The following RASGRP4 variants were observed in gnomAD, a reference collection of about 807,000 sequenced individuals.
RASGRP4 encodes the protein RAS guanyl-releasing protein 4.
A neutral mutation model predicts 84.4 loss-of-function variants in RASGRP4; 52 were observed. That is an observed-to-expected ratio of 0.62 (90% confidence interval 0.49 to 0.78). The LOEUF (loss-of-function observed/expected upper bound fraction) is 0.78. Ranked by LOEUF, RASGRP4 falls within the 30% of genes least tolerant of loss-of-function variation. RASGRP4 has a pLI of 0.00. For synonymous variants in RASGRP4, 356 were observed against 359.1 expected (o/e 0.99, Z 0.10); for missense variants, 760 against 886.9 (o/e 0.86, Z 1.82).
rs189420112 is a variant in RASGRP4 at position 38,411,526 on chromosome 19, G to C, written c.1681-145C>G. The C allele has an allele frequency of 1.2e-3, 989 of 838,120 alleles. 13 individuals are homozygous for C. In the African/African-American group the frequency reaches 0.015, roughly 13 times the overall value. The allele number at this position is 838,120 out of a possible 1,614,324, so 51.9% of individuals were successfully genotyped here. A position where few individuals can be genotyped will look rare whatever the true frequency, so the allele number is the denominator to read the frequency against. ...GATTTAACTGGAATTAAAGGAATGT[G>C]GGTGGGGTACAGTGGCTCATGCCAG... On this transcript the variant is annotated intron_variant, in intron 13 of 16. Transcript: ENST00000615439.
rs981904464 is a variant in RASGRP4 at position 38,413,884 on chromosome 19, G to A, written c.1231-410C>T. 3.3e-5 allele frequency among the ~76,000 whole-genome samples: 5 copies of A among 152,094 alleles called. No homozygotes were observed. Among genetic ancestry groups the A allele is most frequent in the African/African-American group, 1.2e-4 (5 of 41,398 alleles). The stretch of plus-strand genomic sequence containing the variant: ...ATACTTGAGTCATTGGAGGAAGTGG[G>A]GAAAAAACATGTTACTTAAATAGAA... On this transcript the variant is annotated intron_variant, in intron 9 of 16. Coordinates refer to ENST00000615439, the MANE Select transcript of RASGRP4 (RefSeq NM_170604.3). The surrounding 1 kb of genome is among the most constrained non-coding windows in gnomAD (Gnocchi z 4.7).
At position 38,413,592 on chromosome 19, in the gene RASGRP4, G is replaced by A; in HGVS notation, c.1231-118C>T. The A allele has an allele frequency of 2.5e-6, 2 of 804,308 alleles. No homozygotes were observed. Among genetic ancestry groups the A allele is most frequent in the Non-Finnish European group, 4.1e-6 (2 of 489,272 alleles). The allele number at this position is 804,308 out of a possible 1,614,324, so 49.8% of individuals were successfully genotyped here. A position where few individuals can be genotyped will look rare whatever the true frequency, so the allele number is the denominator to read the frequency against. On this transcript the variant is annotated intron_variant, in intron 9 of 16. Transcript: ENST00000615439. This position sits in a 1 kb window ranked among gnomAD's most constrained non-coding sequence, Gnocchi z 4.7. ...GGGTTCAAATCCTGGCATTACTGCT[G>A]TGGGACAGTGGGCAAGGGACCTCAC...
chr19:38,416,071 T>C (rs1377224427), intron 8 of RASGRP4, among the ~76,000 whole-genome samples: 1 of 147,248 alleles, frequency 6.8e-6, no homozygotes, highest in East Asian at 2.1e-4. Flanking sequence ...AAAACAACAA[T>C]GAAAAGGCTG....
At chr19:38,421,237 C>T (rs1402856961) in intron 2 of RASGRP4, 37 bp from the exon 3 acceptor site, 9 of 1,447,620 alleles carry the variant, frequency 6.2e-6, no homozygotes, top group Non-Finnish European at 8.7e-6. Context: ...GACAGAATGG[C>T]CCTCAAGCAA....
Position 38,415,047 on chromosome 19 carries a change from G to A in RASGRP4, c.1031C>T (p.Ala344Val), listed in dbSNP as rs74780073. 3.4e-5 allele frequency: 54 copies of A among 1,606,334 alleles called. No homozygotes were observed. The highest frequency in any genetic ancestry group is 3.4e-4 in the Middle Eastern group (2 of 5,802). ...GCCCAGTACAGGCAGCCGGAAACCC[G>A]CGCAGCCAGCCCAGGTGCGGCGGTA... ...ARYRRTWAGCAGFRLPVLGVH... is the reference protein window; with the variant it reads ...ARYRRTWAGCVGFRLPVLGVH... Residue 344 changes from alanine to valine, a missense_variant, in exon 9 of 17, where the codon GCG becomes GTG. Transcript: ENST00000615439.
At position 38,417,032 on chromosome 19, in the gene RASGRP4, G is replaced by T. The variant is rs1302553499; in HGVS notation, c.954+20C>A. On this transcript the variant is annotated intron_variant, in intron 8 of 16. Coordinates refer to ENST00000615439, the MANE Select transcript of RASGRP4 (RefSeq NM_170604.3). The surrounding 1 kb of genome is among the most constrained non-coding windows in gnomAD (Gnocchi z 5.1). ...AGACAGCTGACCACTTGGAGCTTTG[G>T]GGAGGGTAGTGGGATTCACCTTGGT... 2.1e-6 allele frequency: 3 copies of T among 1,408,798 alleles called. No individual in the cohort carries two copies. The East Asian group carries it at 7.4e-5, about 35-fold the overall frequency. 87.3% of individuals were successfully genotyped at this position (1,408,798 alleles called of 1,614,324 possible).
chr19:38,409,227 T>C lies in RASGRP4; in HGVS notation c.*813A>G, dbSNP rs116403677. ...TTTGCCCTATAGCACATCTATCCTG[T>C]GCCGTGGGCATGGGTAAGGAGACAT... On this transcript the variant is annotated 3_prime_UTR_variant, in exon 17 of 17. Coordinates refer to ENST00000615439, the MANE Select transcript of RASGRP4 (RefSeq NM_170604.3). 0.021 allele frequency: 3,995 copies of C among 185,896 alleles called. 182 individuals carry two copies. Among genetic ancestry groups the C allele is most frequent in the African/African-American group, 0.089 (3,742 of 42,186 alleles). 11.5% of individuals were successfully genotyped at this position (185,896 alleles called of 1,614,324 possible).
At position 38,412,628 on chromosome 19, in the gene RASGRP4, A is replaced by C. The variant is rs778696096; in HGVS notation, c.1680+44T>G. 4 of 1,586,980 alleles carry C rather than the reference A, an allele frequency of 2.5e-6. No homozygotes were observed. Among genetic ancestry groups the C allele is most frequent in the Admixed American group, 3.6e-5 (2 of 56,250 alleles). On this transcript the variant is annotated intron_variant, in intron 13 of 16. Transcript: ENST00000615439. This position sits in a 1 kb window ranked among gnomAD's most constrained non-coding sequence, Gnocchi z 4.6. The stretch of plus-strand genomic sequence containing the variant: ...CTGGGGTTTGCGGACTGCCGGCTTC[A>C]GGACAGATGGAACCTAAGGGTGGTG...
chr19:38,411,241 G>A lies in RASGRP4; in HGVS notation c.1726C>T (p.Leu576=). 10 of 1,613,976 alleles carry A rather than the reference G, an allele frequency of 6.2e-6. No individual in the cohort carries two copies. Among genetic ancestry groups the A allele is most frequent in the Non-Finnish European group, 8.5e-6 (10 of 1,179,878 alleles). ...KQGYRCRECG[L]CCHKHCRDQV... ...TCTCTGCAGTGTTTGTGGCAACACAGCCCGCACTCTGGGGGAAGGCAGCGG... is the reference window on the plus strand; with the variant it reads ...TCTCTGCAGTGTTTGTGGCAACACAACCCGCACTCTGGGGGAAGGCAGCGG... Residue 576 remains leucine, a synonymous_variant, in exon 15 of 17, where the codon CTG becomes TTG. Coordinates refer to ENST00000615439, the MANE Select transcript of RASGRP4 (RefSeq NM_170604.3).
At chr19:38,410,201 G>C (rs896507335) in intron 16 of RASGRP4, 105 bp from the exon 17 acceptor site, 1 of 812,556 alleles carries the variant, frequency 1.2e-6, no homozygotes. Context: ...AGACTGGTAA[G>C]TGGATGAATG....
At chr19:38,422,235 A>G (rs1017222429) in intron 1 of RASGRP4, 82 bp from the exon 2 acceptor site, 87 of 1,327,812 alleles carry the variant, frequency 6.6e-5, no homozygotes, top group Middle Eastern at 3.7e-4. Context: ...TAATGCCCCA[A>G]GGCACCACGG....
Position 38,410,065 on chromosome 19 carries a change from G to A in RASGRP4, c.1997C>T (p.Thr666Ile). 7 of 1,612,444 alleles carry A rather than the reference G, an allele frequency of 4.3e-6. No homozygotes were observed. The highest frequency in any genetic ancestry group is 5.9e-6 in the Non-Finnish European group (7 of 1,179,156). The change falls in exon 17 of 17, where the codon ACT becomes ATT. Residue 666 changes from threonine (T) to isoleucine (I), a missense_variant. Coordinates refer to ENST00000615439, the MANE Select transcript of RASGRP4 (RefSeq NM_170604.3). ...CTAGGAATCCAGCTTGGAGGATGCA[G>A]TTGATGGTGGGTCCATCACCGGGCA... ...VPCPVMDPPSTASSKLDS is the reference protein window; with the variant it reads ...VPCPVMDPPSIASSKLDS
chr19:38,425,680 G>A (rs1398248420), intron 1 of RASGRP4, among the ~76,000 whole-genome samples: 1 of 152,166 alleles, frequency 6.6e-6, no homozygotes, highest in African/African-American at 2.4e-5. Flanking sequence ...TAAGAGGCAG[G>A]GGAGTCGCCT....
In RASGRP4 at chr19:38,414,833, G is replaced by A. The variant is rs1477834586; in HGVS notation, c.1230+15C>T. 1 of 1,572,288 alleles carries A rather than the reference G, an allele frequency of 6.4e-7. No individual in the cohort carries two copies. The highest frequency in any genetic ancestry group is 8.6e-7 in the Non-Finnish European group (1 of 1,158,094). On this transcript the variant is annotated intron_variant, in intron 9 of 16. Transcript: ENST00000615439. ...CCCTTGGAAGCCCAGCCTGGGCGGGGCCAGGGGGGCTCACCGTGAGCAGGT... is the reference window on the plus strand; with the variant it reads ...CCCTTGGAAGCCCAGCCTGGGCGGGACCAGGGGGGCTCACCGTGAGCAGGT...
Position 38,412,579 on chromosome 19 carries a change from G to C in RASGRP4, c.1680+93C>G. Reference sequence around the variant, plus strand: ...TGAAACAGGATGATTTGAAGCTGGAGGATTTCTGGAATTTGGGGGTTATCT... The same window carrying C: ...TGAAACAGGATGATTTGAAGCTGGACGATTTCTGGAATTTGGGGGTTATCT... On this transcript the variant is annotated intron_variant, in intron 13 of 16. Coordinates refer to ENST00000615439, the MANE Select transcript of RASGRP4 (RefSeq NM_170604.3). The surrounding 1 kb of genome is among the most constrained non-coding windows in gnomAD (Gnocchi z 4.6). The C allele has an allele frequency of 8.3e-7, 1 of 1,202,036 alleles. No individual in the cohort carries two copies. Among genetic ancestry groups the C allele is most frequent in the Non-Finnish European group, 1.2e-6 (1 of 856,616 alleles). The allele number at this position is 1,202,036 out of a possible 1,614,324, so 74.5% of individuals were successfully genotyped here. A position where few individuals can be genotyped will look rare whatever the true frequency, so the allele number is the denominator to read the frequency against.
At chr19:38,425,515 A>C (rs1971954572) in intron 1 of RASGRP4, among the ~76,000 whole-genome samples, 1 of 152,148 alleles carries the variant, frequency 6.6e-6, no homozygotes, top group African/African-American at 2.4e-5. Flanking sequence ...AGGAGGAGTT[A>C]CCCAGGCTAG....
At chr19:38,416,018 C>T (rs964354765) in intron 8 of RASGRP4, among the ~76,000 whole-genome samples, 1 of 151,364 alleles carries the variant, frequency 6.6e-6, no homozygotes, top group Non-Finnish European at 1.5e-5. Context: ...AAGATTTCGA[C>T]ACTGTACTCC....
rs925986698 is a variant in RASGRP4, at chr19:38,418,007, A to G, written c.837+384T>C. On this transcript the variant is annotated intron_variant, in intron 7 of 16. Transcript: ENST00000615439. The surrounding 1 kb of genome is among the most constrained non-coding windows in gnomAD (Gnocchi z 4.6). ...GCGGGGCGGGGAGAGCCCGGACGCA[A>G]TGGGGAGCGATGCACAATCCCGAAG... 6.6e-6 allele frequency among the ~76,000 whole-genome samples: 1 copy of G among 151,724 alleles called. No individual in the cohort carries two copies. Among genetic ancestry groups the G allele is most frequent in the Non-Finnish European group, 1.5e-5 (1 of 67,912 alleles).
At chr19:38,424,994 C>T (rs1476189803) in intron 1 of RASGRP4, among the ~76,000 whole-genome samples, 4 of 151,794 alleles carry the variant, frequency 2.6e-5, no homozygotes, top group Non-Finnish European at 5.9e-5. Flanking sequence ...GACCATCCTG[C>T]CCAACATGGT....
Sources: gnomAD v4.1 joint callset for allele counts (sites outside exome capture counted in the v4.1 genomes callset) on GRCh38, gnomAD v4.1.1 for gene constraint, Gnocchi (gnomAD v3.1) non-coding constraint, MANE v1.5 for transcripts, NCBI Gene and HGNC (gene_info 2026-07-23, HGNC 2026-07-21) for gene names.